RADIL: variants seen among roughly 807,000 people sequenced by gnomAD.
RADIL encodes Rap associating with DIL domain, also known as ras-associating and dilute domain-containing protein.
Under a neutral mutation model 97.6 loss-of-function variants are expected in RADIL, and 99 were observed. The observed-to-expected ratio is 1.01, with a 90% CI of 0.86 to 1.20. RADIL has a LOEUF of 1.20. Among genes scored for constraint, RADIL ranks in the 50% most tolerant of loss-of-function variants. RADIL has a pLI of 0.00. For synonymous variants in RADIL, 803 were observed against 691.8 expected (o/e 1.16, Z -2.52); for missense variants, 1,765 against 1,498.9 (o/e 1.18, Z -2.93).
chr7:4,846,129 T>C (rs866345772), intron 2 of RADIL, among the ~76,000 whole-genome samples: 4,984 of 134,650 alleles, frequency 0.037, 267 homozygotes, highest in African/African-American at 0.15. Flanking sequence ...TCTTCTTTTT[T>C]TTTTTTTTTT....
rs566144275 is a variant in RADIL, at chr7:4,819,339, G to A, written c.1616-1988C>T. On this transcript the variant is annotated intron_variant, in intron 6 of 14. Coordinates refer to ENST00000399583, the MANE Select transcript of RADIL (RefSeq NM_018059.5). The surrounding 1 kb of genome is among the most constrained non-coding windows in gnomAD (Gnocchi z 5.8). The stretch of plus-strand genomic sequence containing the variant: ...TGCCTGCCTCGGCCTCCCAAAGTGC[G>A]GGGAGGACAGGTGTGAGCCCAGCCC... Among the ~76,000 whole-genome samples the A allele has an allele frequency of 5.7e-4, 87 of 151,810 alleles. No individual in the cohort carries two copies. The highest frequency in any genetic ancestry group is 2.0e-3 in the African/African-American group (83 of 41,420).
rs147631315 is a variant in RADIL, at chr7:4,799,022, G to C, written c.*356C>G. The C allele has an allele frequency of 0.015, 4,037 of 264,838 alleles. 56 individuals are homozygous for C. The highest frequency in any genetic ancestry group is 0.045 in the Middle Eastern group (30 of 674). 16.4% of individuals were successfully genotyped at this position (264,838 alleles called of 1,614,324 possible). On this transcript the variant is annotated 3_prime_UTR_variant, in exon 15 of 15. Coordinates refer to ENST00000399583, the MANE Select transcript of RADIL (RefSeq NM_018059.5). ...ACTGCATTCTCCCGTGCCGGTGGCA[G>C]GCAGAGGCCATGGGGAGCCCCTGCG...
At position 4,849,124 on chromosome 7, in the gene RADIL, G is replaced by A. The variant is rs1055945626; in HGVS notation, c.536-12519C>T. Among the ~76,000 whole-genome samples the A allele has an allele frequency of 1.4e-5, 2 of 139,788 alleles. No individual in the cohort carries two copies. Among genetic ancestry groups the A allele is most frequent in the Non-Finnish European group, 3.1e-5 (2 of 65,396 alleles). The allele number at this position is 139,788 out of a possible 152,430, so 91.7% of individuals were successfully genotyped here. ...TTGCACTCCAGCCTGGGCAACAAGA[G>A]GGAAATTCTGTCTCAAAAAAAAAAA... On this transcript the variant is annotated intron_variant, in intron 2 of 14. Coordinates refer to ENST00000399583, the MANE Select transcript of RADIL (RefSeq NM_018059.5). This position sits in a 1 kb window ranked among gnomAD's most constrained non-coding sequence, Gnocchi z 5.4.
intron 2 of RADIL, among the ~76,000 whole-genome samples, chr7:4,871,891 C>G (rs577187320): frequency 6.6e-6 from 1 of 152,184 alleles, no homozygotes; most frequent in Admixed American, 6.5e-5. Context: ...TTAGCCTGAA[C>G]CTTCCTGGCT....
At chr7:4,841,553 G>A (rs377524060) in intron 2 of RADIL, among the ~76,000 whole-genome samples, 18 of 152,344 alleles carry the variant, frequency 1.2e-4, no homozygotes, top group African/African-American at 2.9e-4. Flanking sequence ...AGAGGAAGCC[G>A]GCGGGCGCGG....
At chr7:4,858,881 AAAGAG>A (rs1783901388) in intron 2 of RADIL, 1 of 152,232 alleles carries the variant, frequency 6.6e-6, no homozygotes, top group African/African-American at 2.4e-5. Flanking sequence ...GCATACAGGC[AAAGAG>A]AAGAGAGGGA....
rs915051730 is a variant in RADIL at position 4,797,211 on chromosome 7, G to C, written c.*2167C>G. The C allele has an allele frequency of 5.3e-5, 8 of 152,260 alleles. No individual in the cohort carries two copies. The highest frequency in any genetic ancestry group is 2.0e-4 in the Admixed American group (3 of 15,280). 9.4% of individuals were successfully genotyped at this position (152,260 alleles called of 1,614,324 possible). A position where few individuals can be genotyped will look rare whatever the true frequency, so the allele number is the denominator to read the frequency against. On this transcript the variant is annotated 3_prime_UTR_variant, in exon 15 of 15. Coordinates refer to ENST00000399583, the MANE Select transcript of RADIL (RefSeq NM_018059.5). ...CTCACCAGTCCCGCACCTCAGCTAG[G>C]TGCTTCAGCGGCCAGAGGCTAGCTG...
Position 4,822,893 on chromosome 7 carries a change from A to ATG in RADIL, c.1455-341_1455-340dup, listed in dbSNP as rs148919435. ...GAATGCTGAGAGAATGTGTGCCAAT[A>ATG]TGTGTGTGTGTGCGTGTATGCGTGC... On this transcript the variant is annotated intron_variant, in intron 5 of 14. Coordinates refer to ENST00000399583, the MANE Select transcript of RADIL (RefSeq NM_018059.5). This position sits in a 1 kb window ranked among gnomAD's most constrained non-coding sequence, Gnocchi z 5.3. 0.021 allele frequency among the ~76,000 whole-genome samples: 3,229 copies of ATG among 152,020 alleles called. 58 individuals carry two copies. Among genetic ancestry groups the ATG allele is most frequent in the Non-Finnish European group, 0.037 (2,483 of 67,972 alleles).
At chr7:4,802,590 GGGGCCCCC>G (rs1782137863) in intron 11 of RADIL, among the ~76,000 whole-genome samples, 1 of 122,182 alleles carries the variant, frequency 8.2e-6, no homozygotes, top group Non-Finnish European at 1.7e-5. Context: ...CTCTAGCTGG[GGGGCCCCC>G]TCCCCGGGTA....
intron 2 of RADIL, among the ~76,000 whole-genome samples, chr7:4,847,766 A>AC (rs55844757): frequency 1.4e-5 from 2 of 138,462 alleles, no homozygotes; most frequent in Non-Finnish European, 3.1e-5. Context: ...AAAAAAAAAA[A>AC]CACACAGGTA....
chr7:4,859,578 G>C, intron 2 of RADIL: 1 of 299,494 alleles, frequency 3.3e-6, no homozygotes, highest in Non-Finnish European at 6.3e-6. Flanking sequence ...GTCATATCTA[G>C]TCCCGTACCC....
chr7:4,817,456 G>T lies in RADIL; in HGVS notation c.1616-105C>A. On this transcript the variant is annotated intron_variant, in intron 6 of 14. Transcript: ENST00000399583. This position sits in a 1 kb window ranked among gnomAD's most constrained non-coding sequence, Gnocchi z 8.3. Reference sequence around the variant, plus strand: ...TTCCCTGGCGCGGGCACCACCCAACGCGCCCATCTGGGGTCCAGATGCGAT... The same window carrying T: ...TTCCCTGGCGCGGGCACCACCCAACTCGCCCATCTGGGGTCCAGATGCGAT... 1.0e-6 allele frequency: 1 copy of T among 970,028 alleles called. No individual in the cohort carries two copies. The highest frequency in any genetic ancestry group is 1.5e-6 in the Non-Finnish European group (1 of 656,114). The allele number at this position is 970,028 out of a possible 1,614,324, so 60.1% of individuals were successfully genotyped here. A position where few individuals can be genotyped will look rare whatever the true frequency, so the allele number is the denominator to read the frequency against.
Position 4,878,209 on chromosome 7 carries a change from T to A in RADIL, c.-64-6A>T, listed in dbSNP as rs1329155265. 2.8e-5 allele frequency: 39 copies of A among 1,417,940 alleles called. No homozygotes were observed. The highest frequency in any genetic ancestry group is 3.4e-5 in the Non-Finnish European group (37 of 1,077,186). The allele number at this position is 1,417,940 out of a possible 1,614,324, so 87.8% of individuals were successfully genotyped here. ...GGATGTGGGGAGGCCGTGACCTGGG[T>A]GAAAAAGTGAGAGAGGTTAGCGCCA... On this transcript the variant is annotated splice_polypyrimidine_tract_variant and splice_region_variant and intron_variant, in intron 1 of 14. Transcript: ENST00000399583. The surrounding 1 kb of genome is among the most constrained non-coding windows in gnomAD (Gnocchi z 4.1).
chr7:4,815,132 G>A lies in RADIL; in HGVS notation c.2139+146C>T, dbSNP rs1391944718. ...AGGTGGACACAGCCATGGAATGGAAGCAACTTTTCTGATTACCTACGGTAG... is the reference window on the plus strand; with the variant it reads ...AGGTGGACACAGCCATGGAATGGAAACAACTTTTCTGATTACCTACGGTAG... On this transcript the variant is annotated intron_variant, in intron 9 of 14. Transcript: ENST00000399583. The surrounding 1 kb of genome is among the most constrained non-coding windows in gnomAD (Gnocchi z 8.0). 1 of 1,026,978 alleles carries A rather than the reference G, an allele frequency of 9.7e-7. No homozygotes were observed. Among genetic ancestry groups the A allele is most frequent in the Non-Finnish European group, 1.4e-6 (1 of 730,146 alleles). 63.6% of individuals were successfully genotyped at this position (1,026,978 alleles called of 1,614,324 possible).
intron 2 of RADIL, among the ~76,000 whole-genome samples, chr7:4,853,861 T>G (rs940113337): frequency 6.6e-6 from 1 of 152,096 alleles, no homozygotes; most frequent in Non-Finnish European, 1.5e-5. Flanking sequence ...TTACTAGACA[T>G]TCTCTCCTTC....
At chr7:4,852,205 G>A (rs979386850) in intron 2 of RADIL, among the ~76,000 whole-genome samples, 2 of 152,150 alleles carry the variant, frequency 1.3e-5, no homozygotes, top group South Asian at 2.1e-4. Flanking sequence ...AAAAATGAAG[G>A]GGGTGGCTAC....
At chr7:4,830,714 C>T (rs1783116644) in intron 5 of RADIL, among the ~76,000 whole-genome samples, 1 of 152,008 alleles carries the variant, frequency 6.6e-6, no homozygotes, top group Non-Finnish European at 1.5e-5. Context: ...CCCATCTCTA[C>T]TAAAAATACA....
At position 4,801,940 on chromosome 7, in the gene RADIL, G is replaced by GCCAGGGGGCAGCTCGGGGCCT; in HGVS notation, c.2534_2554dup (p.Glu845_Leu851dup). On this transcript the variant is annotated inframe_insertion, in exon 12 of 15. Transcript: ENST00000399583. ...GGCTGCTGGGCCAGGGTCCCTGGGAGCCAGGGGGCAGCTCGGGGCCTCCAG... is the reference window on the plus strand; with the variant it reads ...GGCTGCTGGGCCAGGGTCCCTGGGAGCCAGGGGGCAGCTCGGGGCCTCCAGGGGGCAGCTCGGGGCCTCCAG... 1.3e-6 allele frequency: 2 copies of GCCAGGGGGCAGCTCGGGGCCT among 1,565,956 alleles called. No homozygotes were observed. The highest frequency in any genetic ancestry group is 1.7e-6 in the Non-Finnish European group (2 of 1,158,528).
intron 2 of RADIL, among the ~76,000 whole-genome samples, chr7:4,874,333 G>A (rs753565373): frequency 5.9e-5 from 9 of 152,240 alleles, no homozygotes; most frequent in Non-Finnish European, 1.5e-5. Flanking sequence ...AGGTCTGTGC[G>A]GGGTCATCCC....
Sources: allele counts gnomAD v4.1 joint callset (sites outside exome capture counted in the v4.1 genomes callset), GRCh38; gene constraint gnomAD v4.1.1; non-coding constraint Gnocchi (gnomAD v3.1); transcripts MANE v1.5; gene names NCBI Gene and HGNC (gene_info 2026-07-23, HGNC 2026-07-21).